The following DTD1 variants were observed in gnomAD, a reference collection of about 807,000 sequenced individuals.
DTD1 encodes D-aminoacyl-tRNA deacylase 1.
A neutral mutation model predicts 25.6 loss-of-function variants in DTD1; 13 were observed. The ratio of observed to expected loss-of-function variants is 0.51; its 90% confidence interval spans 0.33 to 0.81. DTD1 has a LOEUF of 0.81. Ranked by LOEUF, DTD1 falls within the 30% of genes least tolerant of loss-of-function variation. The probability of loss-of-function intolerance (pLI) is 0.02; values close to 1 mark genes in which losing one functional copy is unlikely to be tolerated. For synonymous variants in DTD1, 110 were observed against 103.6 expected (o/e 1.06, Z -0.37); for missense variants, 193 against 266.4 (o/e 0.72, Z 1.92).
chr20:18,746,443 A>T (rs1357115664), intron 5 of DTD1, among the ~76,000 whole-genome samples: 1 of 152,128 alleles, frequency 6.6e-6, no homozygotes, highest in Non-Finnish European at 1.5e-5. Flanking sequence ...TACACCTGTA[A>T]TCCTAGCACT....
intron 4 of DTD1, among the ~76,000 whole-genome samples, chr20:18,684,018 G>A (rs1341335783): frequency 2.0e-5 from 3 of 152,192 alleles, no homozygotes; most frequent in African/African-American, 7.2e-5. Flanking sequence ...GCAAAGCCTG[G>A]AGAGTAGGCC....
At chr20:18,724,578 A>G (rs1282699642) in intron 4 of DTD1, among the ~76,000 whole-genome samples, 2 of 152,202 alleles carry the variant, frequency 1.3e-5, no homozygotes, top group Non-Finnish European at 2.9e-5. Flanking sequence ...GTAAGTAGTA[A>G]TTATTATAAA....
At chr20:18,729,183 T>C (rs1412970628) in intron 4 of DTD1, among the ~76,000 whole-genome samples, 1 of 152,192 alleles carries the variant, frequency 6.6e-6, no homozygotes, top group Non-Finnish European at 1.5e-5. Context: ...TTTGTATTTT[T>C]TGTGGAGTGG....
chr20:18,644,707 T>A (rs552065201), intron 4 of DTD1, among the ~76,000 whole-genome samples: 176 of 152,322 alleles, frequency 1.2e-3, no homozygotes, highest in Middle Eastern at 3.4e-3. Flanking sequence ...AGATGAGACA[T>A]CCATTCAGGA....
intron 3 of DTD1, among the ~76,000 whole-genome samples, chr20:18,617,107 G>A (rs535339316): frequency 9.5e-4 from 144 of 152,094 alleles, no homozygotes; most frequent in Middle Eastern, 3.4e-3. Context: ...CTCCTTAGCC[G>A]AGAGTCTATG....
At chr20:18,618,298 C>T (rs770679880) in intron 3 of DTD1, among the ~76,000 whole-genome samples, 2 of 151,990 alleles carry the variant, frequency 1.3e-5, no homozygotes, top group African/African-American at 4.8e-5. Flanking sequence ...GTTTGACTGA[C>T]TTATTTCCTT....
Position 18,620,475 on chromosome 20 carries a change from A to G in DTD1, c.371-7652A>G, listed in dbSNP as rs529883862. On this transcript the variant is annotated intron_variant, in intron 3 of 5. Coordinates refer to ENST00000377452, the MANE Select transcript of DTD1 (RefSeq NM_080820.6). The stretch of plus-strand genomic sequence containing the variant: ...AGTGGCTTAGGCAAAAAACCTCTCA[A>G]CTGAACCAACTAAATTAATGCTGGA... Among the ~76,000 whole-genome samples the G allele has an allele frequency of 3.7e-4, 56 of 152,290 alleles. 1 individual carries two copies. In the South Asian group the frequency reaches 8.1e-3, roughly 22 times the overall value.
At chr20:18,750,907 GC>G (rs1353411082) in intron 5 of DTD1, among the ~76,000 whole-genome samples, 1 of 152,180 alleles carries the variant, frequency 6.6e-6, no homozygotes, top group Non-Finnish European at 1.5e-5. Flanking sequence ...CTCCTGACTG[GC>G]ACCCCACATT....
intron 3 of DTD1, among the ~76,000 whole-genome samples, chr20:18,618,052 G>A (rs1033572235): frequency 6.6e-6 from 1 of 152,120 alleles, no homozygotes; most frequent in African/African-American, 2.4e-5. Flanking sequence ...GAATACATTT[G>A]TACATATGCC....
At chr20:18,596,484 C>A (rs1411395005) in intron 3 of DTD1, among the ~76,000 whole-genome samples, 1 of 152,122 alleles carries the variant, frequency 6.6e-6, no homozygotes, top group Admixed American at 6.5e-5. Flanking sequence ...TGTTTGGGAA[C>A]CCAGAGGTGT....
At chr20:18,597,264 A>G (rs1170039128) in intron 3 of DTD1, among the ~76,000 whole-genome samples, 2 of 151,878 alleles carry the variant, frequency 1.3e-5, no homozygotes, top group South Asian at 2.1e-4. Context: ...AGTTTTTAAC[A>G]TTCATGAATA....
chr20:18,611,904 G>T (rs1050037477), intron 3 of DTD1, among the ~76,000 whole-genome samples: 1 of 152,124 alleles, frequency 6.6e-6, no homozygotes. Flanking sequence ...ACCAAGGCTA[G>T]AGTGCAGTGG....
chr20:18,716,765 T>C (rs1418893828), intron 4 of DTD1, among the ~76,000 whole-genome samples: 1 of 152,234 alleles, frequency 6.6e-6, no homozygotes, highest in East Asian at 1.9e-4. Flanking sequence ...TACCTGCTGC[T>C]AGCCTACTGT....
chr20:18,595,943 T>G, intron 2 of DTD1, 63 bp from the exon 3 acceptor site: 1 of 1,405,306 alleles, frequency 7.1e-7, no homozygotes, highest in Non-Finnish European at 1.0e-6. Context: ...ATTTTTGGGG[T>G]ATGGAGTGTG....
At chr20:18,631,153 C>G (rs374607138) in intron 4 of DTD1, 1 of 985,390 alleles carries the variant, frequency 1.0e-6, no homozygotes, top group Admixed American at 6.1e-5. Context: ...TCTCTATCCC[C>G]CTTCTGCCAC....
At chr20:18,679,244 T>C (rs913773216) in intron 4 of DTD1, among the ~76,000 whole-genome samples, 1 of 152,234 alleles carries the variant, frequency 6.6e-6, no homozygotes. Context: ...TACTCGTGGT[T>C]AGTGCTGTTG....
chr20:18,635,183 C>T (rs2060802272), intron 4 of DTD1, among the ~76,000 whole-genome samples: 1 of 152,176 alleles, frequency 6.6e-6, no homozygotes, highest in Non-Finnish European at 1.5e-5. Flanking sequence ...CAGATCTTGT[C>T]AATTACTCCA....
chr20:18,686,646 C>CTGTGTGTGTGTG (rs56350174), intron 4 of DTD1, among the ~76,000 whole-genome samples: 250 of 149,040 alleles, frequency 1.7e-3, no homozygotes, highest in African/African-American at 5.7e-3. Flanking sequence ...TATTTATTAG[C>CTGTGTGTGTGTG]TGTGTGTGTG....
chr20:18,657,220 A>G (rs1351719226), intron 4 of DTD1, among the ~76,000 whole-genome samples: 1 of 152,226 alleles, frequency 6.6e-6, no homozygotes, highest in African/African-American at 2.4e-5. Flanking sequence ...ACAAATGAGC[A>G]GGATGCGCTG....
Sources: gnomAD v4.1 joint callset for allele counts (sites outside exome capture counted in the v4.1 genomes callset) on GRCh38, gnomAD v4.1.1 for gene constraint, MANE v1.5 for transcripts, NCBI Gene and HGNC (gene_info 2026-07-23, HGNC 2026-07-21) for gene names.